Variants in VAT1L observed in about 807,000 individuals in gnomAD.
The protein encoded by VAT1L is vesicle amine transport 1 like.
In VAT1L, 34 loss-of-function variants were observed where a neutral mutation model predicts 44.1. The ratio of observed to expected loss-of-function variants is 0.77; its 90% CI spans 0.59 to 1.03. The LOEUF is 1.03. Ranked by LOEUF, VAT1L falls within the 50% of genes least tolerant of loss-of-function variation. VAT1L has a pLI of 0.00. For missense variants in VAT1L, 615 were observed against 538.8 expected (o/e 1.14, Z -1.40); for synonymous variants, 253 against 202.2 (o/e 1.25, Z -2.13).
At chr16:77,956,450 G>A (rs919044779) in intron 7 of VAT1L, among the ~76,000 whole-genome samples, 14 of 152,252 alleles carry the variant, frequency 9.2e-5, no homozygotes, top group African/African-American at 1.4e-4. Flanking sequence ...TGCTTTGCTC[G>A]GTGACAGCAC....
At position 77,900,821 on chromosome 16, in the gene VAT1L, C is replaced by G. The variant is rs112526804; in HGVS notation, c.1077+16019C>G. 5.2e-3 allele frequency among the ~76,000 whole-genome samples: 798 copies of G among 152,208 alleles called. 15 individuals are homozygous for G. The highest frequency in any genetic ancestry group is 0.018 in the African/African-American group (763 of 41,506). Reference sequence around the variant, plus strand: ...GGCTTTACTCCCATACATCTTTTCCCTCTCTGACCACCACTCCCCCCGCAA... The same window carrying G: ...GGCTTTACTCCCATACATCTTTTCCGTCTCTGACCACCACTCCCCCCGCAA... On this transcript the variant is annotated intron_variant, in intron 7 of 8. Transcript: ENST00000302536.
At chr16:77,877,285 C>T (rs1273897841) in intron 5 of VAT1L, among the ~76,000 whole-genome samples, 1 of 151,918 alleles carries the variant, frequency 6.6e-6, no homozygotes, top group East Asian at 1.9e-4. Context: ...CCGAGGCGGG[C>T]GGATCATGAG....
intron 7 of VAT1L, among the ~76,000 whole-genome samples, chr16:77,948,705 C>T (rs1157700056): frequency 1.3e-5 from 2 of 152,086 alleles, no homozygotes; most frequent in Non-Finnish European, 1.5e-5. Context: ...AAATCCCAGA[C>T]ATAATATTAT....
At chr16:77,898,566 G>A (rs2017348335) in intron 7 of VAT1L, among the ~76,000 whole-genome samples, 1 of 151,942 alleles carries the variant, frequency 6.6e-6, no homozygotes, top group African/African-American at 2.4e-5. Context: ...ATGATAGCAG[G>A]GCCTCCTCTG....
chr16:77,796,132 C>G (rs1482058764), intron 1 of VAT1L, among the ~76,000 whole-genome samples: 1 of 152,150 alleles, frequency 6.6e-6, no homozygotes, highest in Non-Finnish European at 1.5e-5. Context: ...TGGCCAGTTG[C>G]TTAGCTCTCT....
chr16:77,978,818 C>G lies in VAT1L; in HGVS notation c.*1123C>G, dbSNP rs535969422. The G allele has an allele frequency of 6.6e-6, 1 of 152,404 alleles. No homozygotes were observed. The highest frequency in any genetic ancestry group is 2.1e-4 in the South Asian group (1 of 4,830). 9.4% of individuals were successfully genotyped at this position (152,404 alleles called of 1,614,324 possible). ...AAGGAACAAGCCACCTGCTCACACA[C>G]CTTGTTCAACTTTTCAGCTCCTAAG... On this transcript the variant is annotated 3_prime_UTR_variant, in exon 9 of 9. Coordinates refer to ENST00000302536, the MANE Select transcript of VAT1L (RefSeq NM_020927.3).
At chr16:77,867,011 C>A (rs1245087952) in intron 4 of VAT1L, among the ~76,000 whole-genome samples, 1 of 152,148 alleles carries the variant, frequency 6.6e-6, no homozygotes, top group Non-Finnish European at 1.5e-5. Flanking sequence ...CAGAACAGGG[C>A]AGATAATAAT....
chr16:77,895,184 T>TA (rs2017310782), intron 7 of VAT1L, among the ~76,000 whole-genome samples: 1 of 150,376 alleles, frequency 6.6e-6, no homozygotes, highest in Non-Finnish European at 1.5e-5. Flanking sequence ...AGCTCAAACT[T>TA]ACCAGCACTA....
intron 1 of VAT1L, among the ~76,000 whole-genome samples, chr16:77,799,013 T>C (rs1440533448): frequency 2.6e-5 from 4 of 152,176 alleles, no homozygotes; most frequent in African/African-American, 9.7e-5. Flanking sequence ...GTACTCCTGC[T>C]GCAATGAGCT....
chr16:77,852,796 A>C (rs907822893), intron 3 of VAT1L, among the ~76,000 whole-genome samples: 3 of 152,176 alleles, frequency 2.0e-5, no homozygotes, highest in Non-Finnish European at 4.4e-5. Flanking sequence ...TGGAAGCTGG[A>C]GTCATACTAC....
At chr16:77,866,033 C>A (rs1224960805) in intron 4 of VAT1L, among the ~76,000 whole-genome samples, 1 of 152,156 alleles carries the variant, frequency 6.6e-6, no homozygotes, top group African/African-American at 2.4e-5. Context: ...GGTGACTTCC[C>A]ACAATTCATT....
intron 7 of VAT1L, among the ~76,000 whole-genome samples, chr16:77,934,850 C>T (rs891864251): frequency 2.0e-5 from 3 of 152,096 alleles, no homozygotes; most frequent in African/African-American, 7.2e-5. Context: ...TTATATCAGA[C>T]AATGGAGACA....
chr16:77,817,409 T>C (rs1226383878), intron 2 of VAT1L, among the ~76,000 whole-genome samples: 1 of 152,212 alleles, frequency 6.6e-6, no homozygotes, highest in Non-Finnish European at 1.5e-5. Flanking sequence ...AAAATGCAAC[T>C]ACAAAACACA....
intron 7 of VAT1L, among the ~76,000 whole-genome samples, chr16:77,955,782 A>G (rs1321031969): frequency 6.6e-6 from 1 of 151,384 alleles, no homozygotes; most frequent in Non-Finnish European, 1.5e-5. Context: ...AGGGACAAGC[A>G]AGATGCATAT....
chr16:77,870,827 T>A (rs1359109307), intron 4 of VAT1L, among the ~76,000 whole-genome samples: 1 of 152,142 alleles, frequency 6.6e-6, no homozygotes, highest in Non-Finnish European at 1.5e-5. Context: ...GGCACAGAAA[T>A]GATGAAGATG....
intron 3 of VAT1L, among the ~76,000 whole-genome samples, chr16:77,856,519 G>A (rs1013632402): frequency 1.3e-5 from 2 of 152,136 alleles, no homozygotes; most frequent in African/African-American, 4.8e-5. Flanking sequence ...TTAAAGAGAT[G>A]AATTCACTCC....
At chr16:77,800,784 A>G (rs2016033779) in intron 1 of VAT1L, 1 of 152,202 alleles carries the variant, frequency 6.6e-6, no homozygotes, top group Non-Finnish European at 1.5e-5. Flanking sequence ...TTTGGAGTTA[A>G]TAGGAAAGAT....
At chr16:77,881,686 G>C (rs1240362487) in intron 6 of VAT1L, among the ~76,000 whole-genome samples, 2 of 152,152 alleles carry the variant, frequency 1.3e-5, no homozygotes, top group Non-Finnish European at 2.9e-5. Flanking sequence ...TTGCATTTGG[G>C]CTTTAAAATA....
At chr16:77,935,931 G>A (rs2017790136) in intron 7 of VAT1L, among the ~76,000 whole-genome samples, 1 of 152,130 alleles carries the variant, frequency 6.6e-6, no homozygotes. Flanking sequence ...TCTAAAACAT[G>A]GTAGATGCCT....
Sources: gnomAD v4.1 joint callset for allele counts (sites outside exome capture counted in the v4.1 genomes callset) on GRCh38, gnomAD v4.1.1 for gene constraint, MANE v1.5 for transcripts, NCBI Gene and HGNC (gene_info 2026-07-23, HGNC 2026-07-21) for gene names.